Variants in UNC79 observed in about 807,000 individuals in gnomAD.
UNC79 encodes the protein unc-79 subunit of NALCN channel complex, also known as protein unc-79 homolog.
In UNC79, 37 loss-of-function variants were observed where a neutral mutation model predicts 283.1. That is an observed-to-expected ratio of 0.13 (90% CI 0.10 to 0.17). UNC79 has a LOEUF of 0.17. Among genes scored for constraint, UNC79 ranks in the 10% least tolerant of loss-of-function variants. UNC79 has a pLI of 1.00. For missense variants in UNC79, 2,272 were observed against 3,211.1 expected (o/e 0.71, Z 7.07); for synonymous variants, 1,107 against 1,200.2 (o/e 0.92, Z 1.61).
At chr14:93,570,372 T>C (rs2063143990) in intron 14 of UNC79, among the ~76,000 whole-genome samples, 2 of 152,234 alleles carry the variant, frequency 1.3e-5, no homozygotes, top group African/African-American at 4.8e-5. Flanking sequence ...GTTCCAGGGC[T>C]TCTGAATTTA....
chr14:93,333,772 C>G (rs1388857884), intron 1 of UNC79, among the ~76,000 whole-genome samples: 3 of 152,186 alleles, frequency 2.0e-5, no homozygotes, highest in Non-Finnish European at 4.4e-5. Context: ...TTATGGGGCA[C>G]TGTCGTTTTC....
Position 93,680,084 on chromosome 14 carries a change from G to A in UNC79, c.6742-2533G>A, listed in dbSNP as rs533988386. ...GCACTTTTATTTCCTTTAATATGCC[G>A]GATTCTCTGTGTACCTCCTTTACTT... On this transcript the variant is annotated intron_variant, in intron 41 of 48. Coordinates refer to ENST00000555664, the Ensembl canonical transcript of UNC79. Among the ~76,000 whole-genome samples the A allele has an allele frequency of 1.9e-4, 29 of 152,180 alleles. 1 individual carries two copies. The South Asian group carries it at 5.2e-3, about 27-fold the overall frequency.
chr14:93,515,833 G>T, intron 7 of UNC79, among the ~76,000 whole-genome samples: 1 of 151,996 alleles, frequency 6.6e-6, no homozygotes, highest in South Asian at 2.1e-4. Context: ...CTTCCCTGTT[G>T]AAGTATTTCA....
intron 1 of UNC79, among the ~76,000 whole-genome samples, chr14:93,360,221 G>A (rs2139939132): frequency 6.6e-6 from 1 of 152,282 alleles, no homozygotes; most frequent in East Asian, 1.9e-4. Context: ...GGCTATTATG[G>A]TGGTAAGGGC....
intron 31 of UNC79, 99 bp downstream of exon 33, chr14:93,631,007 A>G: frequency 9.0e-7 from 1 of 1,111,878 alleles, no homozygotes; most frequent in Non-Finnish European, 1.3e-6. Context: ...TTGTATATAT[A>G]TTTTAATGTT....
intron 40 of UNC79, among the ~76,000 whole-genome samples, chr14:93,669,644 C>A (rs2072620321): frequency 6.6e-6 from 1 of 152,048 alleles, no homozygotes; most frequent in African/African-American, 2.4e-5. Flanking sequence ...ATTAAGGTAA[C>A]CCTGAGCCTG....
chr14:93,572,999 G>C (rs1257667119), intron 16 of UNC79, among the ~76,000 whole-genome samples, 183 bp downstream of exon 16: 1 of 152,166 alleles, frequency 6.6e-6, no homozygotes, highest in African/African-American at 2.4e-5. Flanking sequence ...TCTAGTTGTG[G>C]TTAATAACAT....
chr14:93,487,632 T>G, intron 4 of UNC79, 31 bp from the exon 5 acceptor site: 1 of 1,586,142 alleles, frequency 6.3e-7, no homozygotes, highest in Non-Finnish European at 8.7e-7. Context: ...AGAGATTAAA[T>G]TGTGTCTAAT....
chr14:93,347,047 TGAGTGGAAAGG>T (rs2053853179), intron 1 of UNC79: 1 of 470,578 alleles, frequency 2.1e-6, no homozygotes, highest in Admixed American at 4.0e-5. Context: ...CACGGACTGC[TGAGTGGAAAGG>T]GCAGTACAGA....
chr14:93,675,275 G>C (rs944211206), intron 41 of UNC79, among the ~76,000 whole-genome samples: 1 of 152,180 alleles, frequency 6.6e-6, no homozygotes. Context: ...TCTAGACAGT[G>C]TATAAAACAC....
At chr14:93,641,488 A>C (rs2069030420) in intron 33 of UNC79, among the ~76,000 whole-genome samples, 1 of 152,070 alleles carries the variant, frequency 6.6e-6, no homozygotes, top group South Asian at 2.1e-4. Flanking sequence ...CCCTGTTTCT[A>C]CTAAAATTAC....
At chr14:93,427,801 T>A (rs1385161994), upstream of UNC79, among the ~76,000 whole-genome samples, 3 of 152,132 alleles carry the variant, frequency 2.0e-5, no homozygotes, top group Admixed American at 2.0e-4. Context: ...TTTAGAATAA[T>A]TTTTTATGGG....
At chr14:93,672,291 A>G (rs1002797736) in intron 40 of UNC79, among the ~76,000 whole-genome samples, 2 of 152,246 alleles carry the variant, frequency 1.3e-5, no homozygotes, top group Non-Finnish European at 2.9e-5. Context: ...CTAAGTGTCC[A>G]TCAATGGACA....
chr14:93,646,732 G>T, intron 35 of UNC79, 86 bp downstream of exon 38: 1 of 1,461,892 alleles, frequency 6.8e-7, no homozygotes. Context: ...GTGTGGGGCT[G>T]GGTGCAGTGG....
chr14:93,643,881 C>T (rs945951075), intron 34 of UNC79, among the ~76,000 whole-genome samples, 184 bp downstream of exon 37: 2 of 152,172 alleles, frequency 1.3e-5, no homozygotes, highest in African/African-American at 2.4e-5. Context: ...TCTCCAGCTG[C>T]GTAGGGTCAT....
chr14:93,492,822 ATCTGCACTTG>A (rs1319362799), intron 5 of UNC79, among the ~76,000 whole-genome samples: 3 of 152,218 alleles, frequency 2.0e-5, no homozygotes, highest in African/African-American at 7.2e-5. Context: ...GTCTTGGAAC[ATCTGCACTTG>A]AGAATTCAGT....
At chr14:93,489,517 C>G (rs933880078) in intron 5 of UNC79, among the ~76,000 whole-genome samples, 2 of 152,174 alleles carry the variant, frequency 1.3e-5, no homozygotes, top group African/African-American at 2.4e-5. Context: ...ATAGACATTC[C>G]CATCCAAAAG....
At chr14:93,612,806 C>T in exon 27 of UNC79, 1 of 1,612,942 alleles carries the variant, frequency 6.2e-7, no homozygotes, top group Non-Finnish European at 8.5e-7. Flanking sequence ...GGACAACAAT[C>T]TCCTGAGAAT....
intron 10 of UNC79, among the ~76,000 whole-genome samples, chr14:93,530,782 A>G (rs1030511780): frequency 4.5e-4 from 68 of 150,402 alleles, no homozygotes; most frequent in Non-Finnish European, 7.1e-4. Context: ...GGCGGCGGGC[A>G]CCTGTAGTCC....
Sources: allele counts gnomAD v4.1 joint callset (sites outside exome capture counted in the v4.1 genomes callset), GRCh38; gene constraint gnomAD v4.1.1; transcripts MANE v1.5; gene names NCBI Gene and HGNC (gene_info 2026-07-23, HGNC 2026-07-21).